Variants in PPP4R4 observed in about 807,000 individuals in gnomAD.
PPP4R4 encodes protein phosphatase 4 regulatory subunit 4.
A neutral mutation model predicts 121.8 loss-of-function variants in PPP4R4; 70 were observed. That is an observed-to-expected ratio of 0.57 (90% CI 0.47 to 0.70). The LOEUF is 0.70. PPP4R4 is among the 30% of genes least tolerant of loss of function. The pLI is 0.00. For missense variants in PPP4R4, 875 were observed against 1,033.6 expected (o/e 0.85, Z 2.10); for synonymous variants, 348 against 355.7 (o/e 0.98, Z 0.24).
At chr14:94,180,114 A>G (rs1387006114) in intron 2 of PPP4R4, among the ~76,000 whole-genome samples, 2 of 152,144 alleles carry the variant, frequency 1.3e-5, no homozygotes, top group Non-Finnish European at 2.9e-5. Context: ...CACCTGGCAC[A>G]TAATAGGCAT....
At chr14:94,241,106 C>T (rs1034550289) in intron 9 of PPP4R4, among the ~76,000 whole-genome samples, 4 of 152,006 alleles carry the variant, frequency 2.6e-5, no homozygotes, top group East Asian at 1.9e-4. Flanking sequence ...ACTATTTGTA[C>T]GTAGTAAGTA....
intron 3 of PPP4R4, among the ~76,000 whole-genome samples, chr14:94,224,328 T>G (rs1380384137): frequency 6.6e-6 from 1 of 152,130 alleles, no homozygotes; most frequent in Non-Finnish European, 1.5e-5. Context: ...CGAAAATGAA[T>G]CAGAAGAGAG....
chr14:94,209,812 C>T (rs898302791), intron 3 of PPP4R4, among the ~76,000 whole-genome samples: 1 of 152,028 alleles, frequency 6.6e-6, no homozygotes, highest in Non-Finnish European at 1.5e-5. Context: ...AGATTTATAG[C>T]TAAGAATACT....
chr14:94,249,117 A>G (rs1004871115), intron 14 of PPP4R4, among the ~76,000 whole-genome samples: 2 of 152,178 alleles, frequency 1.3e-5, no homozygotes, highest in Admixed American at 1.3e-4. Context: ...ATGTTTTCAT[A>G]TGACTGTTAT....
intron 2 of PPP4R4, among the ~76,000 whole-genome samples, chr14:94,204,851 A>G (rs1225212774): frequency 6.6e-6 from 1 of 151,966 alleles, no homozygotes; most frequent in African/African-American, 2.4e-5. Flanking sequence ...TCATGTGTTG[A>G]CTTTTGTCAC....
At chr14:94,199,746 G>A (rs1221124212) in intron 2 of PPP4R4, among the ~76,000 whole-genome samples, 1 of 152,162 alleles carries the variant, frequency 6.6e-6, no homozygotes, top group African/African-American at 2.4e-5. Flanking sequence ...TCATTCCGGG[G>A]GTTGATGGCT....
chr14:94,176,811 T>A (rs1888702487), intron 2 of PPP4R4, among the ~76,000 whole-genome samples: 1 of 152,260 alleles, frequency 6.6e-6, no homozygotes, highest in Middle Eastern at 3.2e-3. Flanking sequence ...TAAAATCCTT[T>A]AGAAACAAAT....
At chr14:94,182,067 C>T (rs11160163) in intron 2 of PPP4R4, among the ~76,000 whole-genome samples, 69,089 of 151,884 alleles carry the variant, frequency 0.45, 18,313 homozygotes, top group Non-Finnish European at 0.61. Flanking sequence ...ATCTCAAACA[C>T]CTTTGTTTGA....
intron 2 of PPP4R4, among the ~76,000 whole-genome samples, chr14:94,176,508 T>G (rs1446477583): frequency 6.6e-6 from 1 of 152,220 alleles, no homozygotes; most frequent in East Asian, 1.9e-4. Context: ...CGGGATCTAC[T>G]ATACGGAAAA....
intron 8 of PPP4R4, among the ~76,000 whole-genome samples, chr14:94,239,444 C>T (rs564456616): frequency 9.2e-4 from 134 of 146,170 alleles, no homozygotes; most frequent in African/African-American, 3.1e-3. Context: ...TGAGAACTTG[C>T]GGTGTTTGGT....
chr14:94,251,645 T>G, intron 15 of PPP4R4, 104 bp from the exon 16 acceptor site: 3 of 859,854 alleles, frequency 3.5e-6, no homozygotes, highest in Non-Finnish European at 5.2e-6. Context: ...CTAGCCAAAT[T>G]GTGGGTATGA....
chr14:94,261,711 T>G (rs1414508810), intron 19 of PPP4R4, among the ~76,000 whole-genome samples: 1 of 151,980 alleles, frequency 6.6e-6, no homozygotes, highest in Non-Finnish European at 1.5e-5. Flanking sequence ...TTATGTAGAT[T>G]CCCTTTATCA....
intron 2 of PPP4R4, among the ~76,000 whole-genome samples, chr14:94,190,176 G>GGTTT (rs954617449): frequency 1.3e-5 from 2 of 151,710 alleles, no homozygotes; most frequent in African/African-American, 2.4e-5. Context: ...CACCACACCT[G>GGTTT]GTTTGTTTGT....
chr14:94,263,425 T>C (rs1893883382), intron 19 of PPP4R4, among the ~76,000 whole-genome samples: 2 of 152,208 alleles, frequency 1.3e-5, no homozygotes, highest in Admixed American at 1.3e-4. Flanking sequence ...AATTTTTTTA[T>C]TTCCAATATT....
At chr14:94,176,010 A>T in intron 1 of PPP4R4, 44 bp from the exon 2 acceptor site, 1 of 1,501,698 alleles carries the variant, frequency 6.7e-7, no homozygotes, top group Non-Finnish European at 9.3e-7. Context: ...GGCAAGACTG[A>T]ACCAATATTT....
chr14:94,175,703 C>A, intron 1 of PPP4R4: 1 of 239,390 alleles, frequency 4.2e-6, no homozygotes, highest in Non-Finnish European at 8.2e-6. Context: ...GGAGAAATAG[C>A]CTTGAAGTAT....
intron 24 of PPP4R4, among the ~76,000 whole-genome samples, 193 bp downstream of exon 24, chr14:94,275,714 G>A (rs1343456217): frequency 6.6e-6 from 1 of 152,140 alleles, no homozygotes; most frequent in African/African-American, 2.4e-5. Context: ...TATGGCAAAG[G>A]CATTATAACC....
At chr14:94,175,913 G>A in intron 1 of PPP4R4, 141 bp from the exon 2 acceptor site, 1 of 691,354 alleles carries the variant, frequency 1.4e-6, no homozygotes, top group South Asian at 1.7e-5. Context: ...GGTATCCTCA[G>A]CTCCTTGATT....
chr14:94,263,138 G>A (rs1310731891), intron 19 of PPP4R4, among the ~76,000 whole-genome samples: 1 of 152,010 alleles, frequency 6.6e-6, no homozygotes, highest in Non-Finnish European at 1.5e-5. Flanking sequence ...TAATCTTACT[G>A]AACCTGTAAA....
Sources: gnomAD v4.1 joint callset for allele counts (sites outside exome capture counted in the v4.1 genomes callset) on GRCh38, gnomAD v4.1.1 for gene constraint, MANE v1.5 for transcripts, NCBI Gene and HGNC (gene_info 2026-07-23, HGNC 2026-07-21) for gene names.